GSE1: variants seen among roughly 807,000 people sequenced by gnomAD.
The protein encoded by GSE1 is genetic suppressor element 1.
A neutral mutation model predicts 112.6 loss-of-function variants in GSE1; 32 were observed. The observed-to-expected ratio is 0.28, with a 90% CI of 0.21 to 0.38. GSE1 has a LOEUF of 0.38. Among genes scored for constraint, GSE1 ranks in the 10% least tolerant of loss-of-function variants. The pLI is 1.00. For synonymous variants in GSE1, 1,115 were observed against 735.6 expected, an observed-to-expected ratio of 1.52 and a Z score of -8.35; for missense variants, 2,348 against 1,699.2, an observed-to-expected ratio of 1.38 and a Z score of -6.71.
At chr16:85,493,167 G>T (rs2051064391) in intron 2 of GSE1, among the ~76,000 whole-genome samples, 1 of 152,182 alleles carries the variant, frequency 6.6e-6, no homozygotes, top group Admixed American at 6.5e-5. Context: ...ACTTTGCTGT[G>T]GCAAATTCCC....
chr16:85,654,782 C>G lies in GSE1; in HGVS notation c.600-12C>G. The G allele has an allele frequency of 6.3e-7, 1 of 1,595,106 alleles. No individual in the cohort carries two copies. The highest frequency in any genetic ancestry group is 8.6e-7 in the Non-Finnish European group (1 of 1,166,472). ...CACCTGTCCCCACCTTGCCCACTAT[C>G]CCCGCCTGCAGCCTCCAGCGGCCCG... On this transcript the variant is annotated splice_polypyrimidine_tract_variant and intron_variant, in intron 4 of 15. Transcript: ENST00000253458.
chr16:85,444,003 T>TTTTTTA (rs5818537), intron 2 of GSE1, among the ~76,000 whole-genome samples: 1 of 140,642 alleles, frequency 7.1e-6, no homozygotes, highest in Non-Finnish European at 1.5e-5. Flanking sequence ...TTTTTTTTTT[T>TTTTTTA]GAGACGGAGT....
At chr16:85,637,586 G>A (rs1055699024) in intron 2 of GSE1, among the ~76,000 whole-genome samples, 15 of 152,160 alleles carry the variant, frequency 9.9e-5, no homozygotes, top group Admixed American at 4.6e-4. Flanking sequence ...TGCCCCTGGC[G>A]GGCTCGCTGT....
intron 1 of GSE1, chr16:85,207,823 G>C (rs555179012): frequency 5.3e-5 from 8 of 152,374 alleles, no homozygotes; most frequent in African/African-American, 1.9e-4. Context: ...GCGCCGTGCT[G>C]GGTGCTGGGG....
chr16:85,336,917 C>T (rs1018657406), intron 1 of GSE1, among the ~76,000 whole-genome samples: 4 of 152,242 alleles, frequency 2.6e-5, no homozygotes, highest in Non-Finnish European at 4.4e-5. Flanking sequence ...TACACGCATG[C>T]CCACACAAAT....
intron 2 of GSE1, among the ~76,000 whole-genome samples, chr16:85,398,324 G>A (rs771259911): frequency 1.6e-4 from 25 of 152,284 alleles, no homozygotes; most frequent in Admixed American, 6.5e-4. Context: ...GAGGCCTGAG[G>A]GGTCGCAGAG....
intron 14 of GSE1, among the ~76,000 whole-genome samples, chr16:85,669,396 T>C (rs1414083774): frequency 6.6e-6 from 1 of 152,252 alleles, no homozygotes; most frequent in Non-Finnish European, 1.5e-5. Context: ...AGAAAAGTAG[T>C]TTTTTTCTTT....
chr16:85,244,170 C>T (rs1424401239), intron 1 of GSE1, among the ~76,000 whole-genome samples: 1 of 152,146 alleles, frequency 6.6e-6, no homozygotes, highest in African/African-American at 2.4e-5. Flanking sequence ...GGAATTAAGG[C>T]TGTGAATTAA....
At chr16:85,633,719 C>G (rs567539174) in intron 1 of GSE1, among the ~76,000 whole-genome samples, 195 bp from the exon 2 acceptor site, 2 of 152,200 alleles carry the variant, frequency 1.3e-5, no homozygotes, top group Non-Finnish European at 2.9e-5. Flanking sequence ...GTGCCGGGTT[C>G]CAGCTGGACT....
At chr16:85,553,784 C>T (rs1050528086), upstream of GSE1, among the ~76,000 whole-genome samples, 25 of 152,240 alleles carry the variant, frequency 1.6e-4, no homozygotes, top group Non-Finnish European at 2.9e-4. Flanking sequence ...CCGCTGCCCC[C>T]ACTCCCCCAT....
intron 1 of GSE1, among the ~76,000 whole-genome samples, chr16:85,314,398 C>T (rs1195625798): frequency 5.3e-5 from 8 of 152,138 alleles, no homozygotes; most frequent in Admixed American, 5.2e-4. Context: ...TGCAGGATGC[C>T]ATGTCCCAGC....
chr16:85,647,186 C>G (rs953271359), intron 2 of GSE1, among the ~76,000 whole-genome samples: 2 of 152,198 alleles, frequency 1.3e-5, no homozygotes, highest in African/African-American at 4.8e-5. Context: ...GTCCATGCCC[C>G]CTGTCCTTGG....
chr16:85,621,241 T>C (rs1355304139), intron 1 of GSE1, among the ~76,000 whole-genome samples: 2 of 152,084 alleles, frequency 1.3e-5, no homozygotes, highest in Non-Finnish European at 2.9e-5. Context: ...GGAACCCGTT[T>C]AGATGGTTTC....
intron 2 of GSE1, among the ~76,000 whole-genome samples, chr16:85,472,962 C>T (rs952616946): frequency 5.9e-5 from 9 of 152,224 alleles, no homozygotes; most frequent in African/African-American, 2.2e-4. Flanking sequence ...GCTTTTGGCC[C>T]AAGCCCACTG....
chr16:85,523,218 G>C, intron 2 of GSE1, among the ~76,000 whole-genome samples: 1 of 150,600 alleles, frequency 6.6e-6, no homozygotes, highest in East Asian at 2.0e-4. Context: ...GCCTGTGGCT[G>C]TGTGTCCCCT....
intron 1 of GSE1, among the ~76,000 whole-genome samples, chr16:85,602,702 C>A (rs1567635901): frequency 6.6e-6 from 1 of 152,242 alleles, no homozygotes; most frequent in South Asian, 2.1e-4. Flanking sequence ...CTCACCCAGC[C>A]TGAGGACAGC....
Position 85,501,387 on chromosome 16 carries a change from C to CTT in GSE1, c.2465-132507_2465-132506dup, listed in dbSNP as rs748089415. ...CACGGTTCTGGGATTAGGACTTCAC[C>CTT]TTTTTTTTTTTTTTTTTTTTTAGGG... On this transcript the variant is annotated intron_variant, in intron 2 of 2. Transcript: ENST00000637419. 2.6e-4 allele frequency among the ~76,000 whole-genome samples: 34 copies of CTT among 129,506 alleles called. No homozygotes were observed. In the East Asian group the frequency reaches 3.2e-3, roughly 12 times the overall value. 85.0% of individuals were successfully genotyped at this position (129,506 alleles called of 152,430 possible). A position where few individuals can be genotyped will look rare whatever the true frequency, so the allele number is the denominator to read the frequency against.
intron 1 of GSE1, among the ~76,000 whole-genome samples, chr16:85,218,169 T>A (rs112430053): frequency 1.6e-3 from 251 of 152,284 alleles, no homozygotes; most frequent in African/African-American, 5.7e-3. Flanking sequence ...CCCAAAGTGC[T>A]GGGATTACAG....
intron 2 of GSE1, among the ~76,000 whole-genome samples, chr16:85,504,960 G>A (rs2051488736): frequency 6.6e-6 from 1 of 152,178 alleles, no homozygotes; most frequent in Non-Finnish European, 1.5e-5. Context: ...TCGCTGCATC[G>A]AGAGTTCCTT....
Sources: allele counts gnomAD v4.1 joint callset (sites outside exome capture counted in the v4.1 genomes callset), GRCh38; gene constraint gnomAD v4.1.1; transcripts MANE v1.5; gene names NCBI Gene and HGNC (gene_info 2026-07-23, HGNC 2026-07-21).